Variants in ULK4 observed in about 807,000 individuals in gnomAD.
ULK4 encodes inactive serine/threonine-protein kinase ULK4.
In ULK4, 133 loss-of-function variants were observed where a neutral mutation model predicts 160.6. That is an observed-to-expected ratio of 0.83 (90% CI 0.72 to 0.96). The LOEUF is 0.96. ULK4 is among the 40% of genes least tolerant of loss of function. The pLI is 0.00. For missense variants in ULK4, 1,580 were observed against 1,499.5 expected (o/e 1.05, Z -0.89); for synonymous variants, 534 against 539.8 (o/e 0.99, Z 0.15).
intron 4 of ULK4, 114 bp downstream of exon 4, chr3:41,935,687 T>C (rs1444105681): frequency 1.6e-6 from 2 of 1,287,456 alleles, no homozygotes; most frequent in African/African-American, 3.0e-5. Context: ...AAAGATTAAC[T>C]AAAATTTCAA....
chr3:41,837,495 TTC>T (rs1334130806), intron 17 of ULK4, among the ~76,000 whole-genome samples: 17 of 152,292 alleles, frequency 1.1e-4, no homozygotes, highest in Admixed American at 6.5e-4. Context: ...ACACTATATA[TTC>T]TTTTTTGTCT....
chr3:41,579,143 G>C, intron 31 of ULK4, among the ~76,000 whole-genome samples: 1 of 152,202 alleles, frequency 6.6e-6, no homozygotes, highest in East Asian at 1.9e-4. Context: ...ATGGGAAAGA[G>C]GGAAAGGGAA....
rs566865832 is a variant in ULK4 at position 41,534,601 on chromosome 3, G to A, written c.3226+31424C>T. Among the ~76,000 whole-genome samples the A allele has an allele frequency of 8.6e-5, 13 of 151,272 alleles. No individual in the cohort carries two copies. In the South Asian group the frequency reaches 1.9e-3, roughly 22 times the overall value. ...ACTTAACAGTATTTCTGTAGTTTGT[G>A]GCATGTCAACAGCCATGAACTGAGG... On this transcript the variant is annotated intron_variant, in intron 32 of 36. Transcript: ENST00000301831.
chr3:41,491,808 G>T (rs986281873), intron 32 of ULK4, among the ~76,000 whole-genome samples: 1 of 151,462 alleles, frequency 6.6e-6, no homozygotes, highest in Non-Finnish European at 1.5e-5. Flanking sequence ...GTATACATGT[G>T]CCATGTTGGT....
At chr3:41,808,566 T>C (rs999715191) in intron 19 of ULK4, among the ~76,000 whole-genome samples, 3 of 152,362 alleles carry the variant, frequency 2.0e-5, no homozygotes, top group South Asian at 2.1e-4. Context: ...CTAATGCCTA[T>C]TGCTTAAATC....
intron 35 of ULK4, among the ~76,000 whole-genome samples, chr3:41,313,163 T>C (rs930686491): frequency 3.3e-4 from 50 of 151,228 alleles, no homozygotes; most frequent in African/African-American, 8.0e-4. Context: ...AAGAGGGGAA[T>C]AGAGACACAG....
At chr3:41,580,622 T>C (rs2030234436) in intron 31 of ULK4, among the ~76,000 whole-genome samples, 1 of 152,116 alleles carries the variant, frequency 6.6e-6, no homozygotes, top group South Asian at 2.1e-4. Flanking sequence ...GATGGAAACA[T>C]GTTGTGTAAA....
chr3:41,507,178 CAAAAAAAA>C (rs149739568), intron 32 of ULK4, among the ~76,000 whole-genome samples: 3 of 82,126 alleles, frequency 3.7e-5, no homozygotes, highest in African/African-American at 1.4e-4. Context: ...TAACCAGGAG[CAAAAAAAA>C]AAAAAAAAAA....
intron 35 of ULK4, among the ~76,000 whole-genome samples, chr3:41,339,107 T>C (rs901631406): frequency 1.3e-5 from 2 of 151,846 alleles, no homozygotes; most frequent in African/African-American, 2.4e-5. Flanking sequence ...GGTTGAGACA[T>C]AATTTAGCTA....
At chr3:41,644,503 T>C (rs1297754352) in intron 30 of ULK4, among the ~76,000 whole-genome samples, 1 of 152,220 alleles carries the variant, frequency 6.6e-6, no homozygotes, top group Non-Finnish European at 1.5e-5. Context: ...ATTTATTGAT[T>C]TGTGTATATT....
At chr3:41,335,095 A>C (rs951175742) in intron 35 of ULK4, among the ~76,000 whole-genome samples, 1 of 152,254 alleles carries the variant, frequency 6.6e-6, no homozygotes, top group Non-Finnish European at 1.5e-5. Flanking sequence ...CTGATTTTTT[A>C]AAGATGTTTT....
At chr3:41,800,096 A>T (rs1348113662) in intron 20 of ULK4, 36 bp downstream of exon 20, 1 of 1,526,916 alleles carries the variant, frequency 6.5e-7, no homozygotes, top group Admixed American at 2.3e-5. Flanking sequence ...GTTTAAAGAT[A>T]CCCAGACATA....
intron 33 of ULK4, among the ~76,000 whole-genome samples, chr3:41,459,864 A>G (rs1162724152): frequency 3.3e-5 from 5 of 152,288 alleles, no homozygotes; most frequent in Admixed American, 3.3e-4. Flanking sequence ...CTGGGGCTCG[A>G]CTGTATAAGC....
chr3:41,268,631 C>A (rs773276331), intron 35 of ULK4, among the ~76,000 whole-genome samples: 1 of 151,930 alleles, frequency 6.6e-6, no homozygotes, highest in Non-Finnish European at 1.5e-5. Flanking sequence ...CATGGTGAAA[C>A]CCCATCTCTA....
At chr3:41,444,707 C>T (rs73071165) in intron 34 of ULK4, among the ~76,000 whole-genome samples, 2,221 of 152,140 alleles carry the variant, frequency 0.015, 30 homozygotes, top group Middle Eastern at 0.024. Context: ...TGGCCAGGCG[C>T]GGTGGCTCAC....
intron 21 of ULK4, among the ~76,000 whole-genome samples, chr3:41,761,425 T>C (rs2038981398): frequency 6.7e-6 from 1 of 149,804 alleles, no homozygotes; most frequent in African/African-American, 2.4e-5. Flanking sequence ...TTATCTACCA[T>C]TCACAACAAT....
intron 17 of ULK4, among the ~76,000 whole-genome samples, chr3:41,860,961 C>T (rs1485344424): frequency 6.6e-6 from 1 of 151,984 alleles, no homozygotes; most frequent in Non-Finnish European, 1.5e-5. Context: ...TATCTTATAA[C>T]CCATTATTTT....
Position 41,915,836 on chromosome 3 carries a change from T to C in ULK4, c.803+141A>G, listed in dbSNP as rs1575942421. The C allele has an allele frequency of 5.7e-5, 32 of 556,740 alleles. No individual in the cohort carries two copies. The East Asian group carries it at 1.1e-3, about 19-fold the overall frequency. 34.5% of individuals were successfully genotyped at this position (556,740 alleles called of 1,614,324 possible). A position where few individuals can be genotyped will look rare whatever the true frequency, so the allele number is the denominator to read the frequency against. On this transcript the variant is annotated intron_variant, in intron 8 of 36. Transcript: ENST00000301831. ...AAAAATAATAATTTGAATAGCTATT[T>C]GTATATTAAGAACAGCACCATTTTA...
At chr3:41,709,156 CACT>C (rs1269961099) in intron 25 of ULK4, among the ~76,000 whole-genome samples, 1 of 152,064 alleles carries the variant, frequency 6.6e-6, no homozygotes, top group East Asian at 1.9e-4. Flanking sequence ...CTTCAAATTT[CACT>C]ACACTTTTCC....
Sources: allele counts gnomAD v4.1 joint callset (sites outside exome capture counted in the v4.1 genomes callset), GRCh38; gene constraint gnomAD v4.1.1; transcripts MANE v1.5; gene names NCBI Gene and HGNC (gene_info 2026-07-23, HGNC 2026-07-21).